Variants in USP11 observed in about 807,000 individuals in gnomAD.
USP11 encodes ubiquitin carboxyl-terminal hydrolase 11.
Under a neutral mutation model 72.8 loss-of-function variants are expected in USP11, and 5 were observed. That is an observed-to-expected ratio of 0.07 (90% CI 0.04 to 0.14). USP11 has a LOEUF of 0.14. USP11 is among the 10% of genes least tolerant of loss of function. The pLI, the probability that USP11 is intolerant of heterozygous loss-of-function variation, is 1.00. For synonymous variants in USP11, 368 were observed against 326.5 expected (o/e 1.13, Z -1.37); for missense variants, 480 against 794.7 (o/e 0.60, Z 4.76).
rs1028586583 is a variant in USP11, at chrX:47,241,381, G to A, written c.951G>A (p.Glu317=). The A allele has an allele frequency of 8.3e-7, 1 of 1,211,550 alleles. No individual in the cohort carries two copies. Among genetic ancestry groups the A allele is most frequent in the Non-Finnish European group, 1.1e-6 (1 of 895,458 alleles). ...NPLGMKGEIA[E]AYADLVKQAW... ...TGGGCATGAAGGGTGAGATCGCAGA[G>A]GCCTATGCAGACCTGGTGAAGCAGG... Residue 317 remains glutamate, a synonymous_variant, in exon 8 of 21, where the codon GAG becomes GAA. Transcript: ENST00000377107.
chrX:47,233,506 T>C, intron 1 of USP11: 1 of 959,397 alleles, frequency 1.0e-6, no homozygotes. Context: ...GCCTGCGTAG[T>C]GAAACTGCGT....
rs2147352658 is a variant in USP11 at position 47,242,719 on chromosome X, G to A, written c.1582G>A (p.Val528Ile). 1.7e-6 allele frequency: 2 copies of A among 1,193,302 alleles called. No individual in the cohort carries two copies. Among genetic ancestry groups the A allele is most frequent in the Non-Finnish European group, 2.3e-6 (2 of 878,755 alleles). ...CATCTTGGACCGTGATGATATCTTC[G>A]TGTGAGTGGGGATGGCAGGGAGGTG... Reference protein sequence around the residue: ...SSILDRDDIFVYEVSGRIEAI... With the variant: ...SSILDRDDIFIYEVSGRIEAI... The change falls in exon 12 of 21, where the codon GTC becomes ATC. Residue 528 changes from valine to isoleucine, a missense_variant and splice_region_variant. Transcript: ENST00000377107.
intron 1 of USP11, 151 bp from the exon 2 acceptor site, chrX:47,238,919 A>G: frequency 2.3e-6 from 1 of 425,744 alleles, no homozygotes; most frequent in Non-Finnish European, 4.0e-6. Context: ...TTCACTGAAT[A>G]AATTTTGCTT....
chrX:47,242,071 A>T lies in USP11; in HGVS notation c.1180-11A>T, dbSNP rs5906359. 5.8e-3 allele frequency: 6,976 copies of T among 1,204,800 alleles called. 16 individuals carry two copies. Among genetic ancestry groups the T allele is most frequent in the Non-Finnish European group, 7.3e-3 (6,511 of 892,566 alleles). On this transcript the variant is annotated splice_polypyrimidine_tract_variant and intron_variant, in intron 9 of 20. Coordinates refer to ENST00000377107, the MANE Select transcript of USP11 (RefSeq NM_001371072.1). ...GGCAAGCCCCACCACCCACCATGAC[A>T]CTATCAACAGGAGGTGGCACAGGAG... is the stretch of plus-strand genomic sequence containing the variant.
chrX:47,247,541 G>A lies in USP11; in HGVS notation c.2537-70G>A, dbSNP rs2055441205. The A allele has an allele frequency of 6.0e-6, 7 of 1,165,409 alleles. No homozygotes were observed. The South Asian group carries it at 1.3e-4, about 21-fold the overall frequency. ...GTGAGGTTATCGTGGTGGGAGGAGT[G>A]ACAAGAGTGAATCTGGACACTTCTG... On this transcript the variant is annotated intron_variant, in intron 19 of 20. Coordinates refer to ENST00000377107, the MANE Select transcript of USP11 (RefSeq NM_001371072.1).
At chrX:47,247,752 C>T (rs764808989) in intron 20 of USP11, 41 bp from the exon 21 acceptor site, 2 of 1,206,398 alleles carry the variant, frequency 1.7e-6, no homozygotes, top group African/African-American at 1.8e-5. Flanking sequence ...TCCACCTCCC[C>T]ACCCCCACAA....
At position 47,245,745 on chromosome X, in the gene USP11, C is replaced by T. The variant is rs538894561; in HGVS notation, c.2270+263C>T. Among the ~76,000 whole-genome samples, 9 of 110,700 alleles carry T rather than the reference C, an allele frequency of 8.1e-5. No individual in the cohort carries two copies. The East Asian group carries it at 1.1e-3, about 14-fold the overall frequency. ...TTTTTAGTAGAAACAGGTTTTGCCA[C>T]GTTGGCCAGGCTGGTCTCGAACTCC... On this transcript the variant is annotated intron_variant, in intron 17 of 20. Coordinates refer to ENST00000377107, the MANE Select transcript of USP11 (RefSeq NM_001371072.1).
chrX:47,238,118 T>C (rs764889229), intron 1 of USP11, among the ~76,000 whole-genome samples: 1 of 110,529 alleles, frequency 9.0e-6, no homozygotes, highest in East Asian at 2.8e-4. Flanking sequence ...AACCATAAGC[T>C]CAGGAATTTA....
chrX:47,234,479 CTG>C (rs1417831707), intron 1 of USP11, among the ~76,000 whole-genome samples: 1 of 111,598 alleles, frequency 9.0e-6, no homozygotes, highest in South Asian at 3.7e-4. Flanking sequence ...ATCATTGTGG[CTG>C]TGAAAAATAA....
At chrX:47,245,333 C>T (rs1373910472) in intron 16 of USP11, 37 bp from the exon 17 acceptor site, 2 of 1,153,184 alleles carry the variant, frequency 1.7e-6, no homozygotes. Context: ...TCTGTCCTCA[C>T]AGCCGGCCAT....
intron 13 of USP11, among the ~76,000 whole-genome samples, chrX:47,243,998 CAA>C (rs2055418050): frequency 9.0e-6 from 1 of 111,018 alleles, no homozygotes; most frequent in Non-Finnish European, 1.9e-5. Context: ...ATTTTGCATT[CAA>C]AAGTCATTCC....
chrX:47,238,965 C>G (rs2055388651), intron 1 of USP11, 105 bp from the exon 2 acceptor site: 4 of 509,416 alleles, frequency 7.9e-6, no homozygotes, highest in East Asian at 7.4e-5. Context: ...AACTTTTCAT[C>G]TTAAATTATA....
chrX:47,234,809 C>A (rs1457996824), intron 1 of USP11, among the ~76,000 whole-genome samples: 1 of 111,772 alleles, frequency 8.9e-6, no homozygotes, highest in Non-Finnish European at 1.9e-5. Context: ...CTTAGTCATT[C>A]CACAATGTAT....
intron 12 of USP11, 42 bp from the exon 13 acceptor site, chrX:47,243,354 T>C (rs754354743): frequency 4.3e-5 from 52 of 1,198,394 alleles, no homozygotes; most frequent in Non-Finnish European, 5.9e-5. Flanking sequence ...AGGGAGTCTC[T>C]GGGGGCCCTG....
Position 47,241,347 on chromosome X carries a change from G to C in USP11, c.917G>C (p.Arg306Pro). Residue 306 changes from arginine to proline, a missense_variant, in exon 8 of 21, where the codon CGC becomes CCC. By Grantham distance (103) the Arg-to-Pro change is moderately radical. Coordinates refer to ENST00000377107, the MANE Select transcript of USP11 (RefSeq NM_001371072.1). ...TGCTACCTGGAGGAGCTCAACTTCCGCAACCCACTGGGCATGAAGGGTGAG... is the reference window on the plus strand; with the variant it reads ...TGCTACCTGGAGGAGCTCAACTTCCCCAACCCACTGGGCATGAAGGGTGAG... ...NNCYLEELNF[R>P]NPLGMKGEIA... 1 of 1,211,302 alleles carries C rather than the reference G, an allele frequency of 8.3e-7. No individual in the cohort carries two copies. The highest frequency in any genetic ancestry group is 1.1e-6 in the Non-Finnish European group (1 of 895,367).
chrX:47,247,729 C>T (rs752814951), intron 20 of USP11, 30 bp downstream of exon 20: 2 of 1,207,371 alleles, frequency 1.7e-6, no homozygotes, highest in East Asian at 3.0e-5. Context: ...TCCTCCCCTT[C>T]TTCCTTTCTG....
At position 47,243,385 on chromosome X, in the gene USP11, AC is replaced by A; in HGVS notation, c.1584-5del. The A allele has an allele frequency of 3.3e-6, 4 of 1,210,822 alleles. No homozygotes were observed. The highest frequency in any genetic ancestry group is 4.5e-6 in the Non-Finnish European group (4 of 894,808). On this transcript the variant is annotated splice_polypyrimidine_tract_variant and intron_variant, in intron 12 of 20. Transcript: ENST00000377107. The stretch of plus-strand genomic sequence containing the variant: ...CCCTGATCAGGTGTGCCTGCTGTCC[AC>A]CCCCCACAGCTATGAGGTGTCAGGT...
In USP11 at chrX:47,247,615, A is replaced by G. The variant is rs1440961219; in HGVS notation, c.2541A>G (p.Thr847=). 1.2e-5 allele frequency: 15 copies of G among 1,209,014 alleles called. No homozygotes were observed. Among genetic ancestry groups the G allele is most frequent in the Non-Finnish European group, 1.6e-5 (14 of 894,876 alleles). Reference sequence around the variant, plus strand: ...ATAACTCTCCTTCCCTTTCAGACACAACATTTGCCTGCAACAAGGACAGCG... The same window carrying G: ...ATAACTCTCCTTCCCTTTCAGACACGACATTTGCCTGCAACAAGGACAGCG... ...HYGGMRDGHY[T]TFACNKDSGQ... The change falls in exon 20 of 21, where the codon ACA becomes ACG. Residue 847 remains threonine, a synonymous_variant. Transcript: ENST00000377107.
chrX:47,234,058 C>T (rs2055360100), intron 1 of USP11: 1 of 111,702 alleles, frequency 9.0e-6, no homozygotes, highest in Non-Finnish European at 1.9e-5. Context: ...CTAAACAGTC[C>T]TTCTTGAAAT....
Sources: allele counts gnomAD v4.1 joint callset (sites outside exome capture counted in the v4.1 genomes callset), GRCh38; gene constraint gnomAD v4.1.1; transcripts MANE v1.5; gene names NCBI Gene and HGNC (gene_info 2026-07-23, HGNC 2026-07-21).